The following SNTG1 variants were observed in gnomAD, a reference collection of about 807,000 sequenced individuals.
SNTG1 encodes the protein gamma-1-syntrophin.
Under a neutral mutation model 74.7 loss-of-function variants are expected in SNTG1, and 39 were observed. The ratio of observed to expected loss-of-function variants is 0.52; its 90% CI spans 0.40 to 0.68. The LOEUF (loss-of-function observed/expected upper bound fraction) is 0.68, where lower values mean the gene tolerates loss of function less well. Ranked by LOEUF, SNTG1 falls within the 30% of genes least tolerant of loss-of-function variation. The pLI, the probability that SNTG1 is intolerant of heterozygous loss-of-function variation, is 0.00. For synonymous variants in SNTG1, 254 were observed against 217.1 expected (o/e 1.17, Z -1.49); for missense variants, 685 against 609.5 (o/e 1.12, Z -1.30).
Position 50,438,716 on chromosome 8 carries a change from A to T in SNTG1, c.219+117A>T, listed in dbSNP as rs544009705. 4.8e-5 allele frequency: 36 copies of T among 752,076 alleles called. 1 individual carries two copies. The South Asian group carries it at 6.3e-4, about 13-fold the overall frequency. The allele number at this position is 752,076 out of a possible 1,614,324, so 46.6% of individuals were successfully genotyped here. On this transcript the variant is annotated intron_variant, in intron 5 of 18. Coordinates refer to ENST00000642720, the MANE Select transcript of SNTG1 (RefSeq NM_018967.5). ...AAGGATGGCTATAGCAAACTCCTTA[A>T]TATTTGGACGGGGATGTAAATTAGG... is the stretch of plus-strand genomic sequence containing the variant.
chr8:50,018,128 A>C (rs1450826399), intron 1 of SNTG1, among the ~76,000 whole-genome samples: 1 of 152,012 alleles, frequency 6.6e-6, no homozygotes, highest in Non-Finnish European at 1.5e-5. Flanking sequence ...AATCCCTGTA[A>C]AAATCCTAGC....
At chr8:50,287,920 C>T (rs1473516769) in intron 2 of SNTG1, among the ~76,000 whole-genome samples, 1 of 152,162 alleles carries the variant, frequency 6.6e-6, no homozygotes, top group Non-Finnish European at 1.5e-5. Context: ...TCCAGCTCAT[C>T]ATATTGTGTT....
At chr8:49,922,278 C>T (rs1192153696) in intron 1 of SNTG1, among the ~76,000 whole-genome samples, 1 of 152,054 alleles carries the variant, frequency 6.6e-6, no homozygotes, top group Non-Finnish European at 1.5e-5. Context: ...AATTGCCTGG[C>T]TTTTTTCTTG....
intron 2 of SNTG1, among the ~76,000 whole-genome samples, chr8:50,279,751 A>T (rs1182480852): frequency 1.3e-5 from 2 of 152,122 alleles, no homozygotes; most frequent in Non-Finnish European, 2.9e-5. Context: ...GGTCACTTTG[A>T]CTTTGGGATT....
At chr8:50,704,477 T>G in intron 15 of SNTG1, 123 bp from the exon 16 acceptor site, 1 of 1,200,080 alleles carries the variant, frequency 8.3e-7, no homozygotes, top group Non-Finnish European at 1.2e-6. Flanking sequence ...AATGAAGACT[T>G]GGTGAATTCG....
chr8:50,720,742 G>C (rs886381272), intron 17 of SNTG1, among the ~76,000 whole-genome samples: 1 of 152,144 alleles, frequency 6.6e-6, no homozygotes, highest in African/African-American at 2.4e-5. Context: ...CAAATACCAG[G>C]TGATTTGTGA....
chr8:50,716,009 A>G (rs1322037918), intron 17 of SNTG1, among the ~76,000 whole-genome samples: 1 of 152,172 alleles, frequency 6.6e-6, no homozygotes, highest in Non-Finnish European at 1.5e-5. Context: ...ATTTTTAAAA[A>G]TCTTTGATAT....
At chr8:49,929,643 T>G (rs16913981) in intron 1 of SNTG1, among the ~76,000 whole-genome samples, 4,924 of 152,302 alleles carry the variant, frequency 0.032, 238 homozygotes, top group African/African-American at 0.1. Flanking sequence ...CAGGGAGGCC[T>G]GACACTGGAT....
chr8:50,678,745 A>T (rs1307270197), intron 15 of SNTG1, among the ~76,000 whole-genome samples: 1 of 152,114 alleles, frequency 6.6e-6, no homozygotes, highest in East Asian at 1.9e-4. Flanking sequence ...TACCTTTGGG[A>T]TTATATCCCA....
intron 2 of SNTG1, among the ~76,000 whole-genome samples, chr8:50,264,146 A>G (rs1340753538): frequency 2.6e-5 from 4 of 152,196 alleles, no homozygotes; most frequent in Non-Finnish European, 5.9e-5. Flanking sequence ...TTAAATTAAA[A>G]CACTGCATAC....
intron 11 of SNTG1, among the ~76,000 whole-genome samples, chr8:50,550,709 G>A (rs2094420487): frequency 6.8e-6 from 1 of 146,672 alleles, no homozygotes; most frequent in African/African-American, 2.6e-5. Flanking sequence ...ATATATATAT[G>A]ACACATAATT....
chr8:50,258,158 T>C (rs2086975554), intron 2 of SNTG1, among the ~76,000 whole-genome samples: 1 of 152,092 alleles, frequency 6.6e-6, no homozygotes, highest in African/African-American at 2.4e-5. Context: ...ATATGCAGAG[T>C]TGCTACAATA....
chr8:50,781,848 T>G (rs1056640977), intron 18 of SNTG1, among the ~76,000 whole-genome samples: 34 of 152,292 alleles, frequency 2.2e-4, no homozygotes, highest in African/African-American at 7.9e-4. Flanking sequence ...GGTACCGTTT[T>G]TTCCTTTCCA....
intron 1 of SNTG1, among the ~76,000 whole-genome samples, chr8:49,965,659 A>G (rs318895): frequency 0.038 from 5,741 of 152,208 alleles, 363 homozygotes; most frequent in African/African-American, 0.13. Context: ...CAACCTCTCT[A>G]GCCCCATCAG....
chr8:49,930,851 A>G (rs903694077), intron 1 of SNTG1, among the ~76,000 whole-genome samples: 2 of 152,198 alleles, frequency 1.3e-5, no homozygotes, highest in Non-Finnish European at 2.9e-5. Flanking sequence ...AAAATGCTGC[A>G]TGAAATATGA....
intron 2 of SNTG1, among the ~76,000 whole-genome samples, chr8:50,330,917 A>C (rs1032403577): frequency 6.6e-6 from 1 of 152,204 alleles, no homozygotes; most frequent in Non-Finnish European, 1.5e-5. Context: ...TTGACATGTG[A>C]GGATTAACAA....
At position 50,575,791 on chromosome 8, in the gene SNTG1, G is replaced by C. The variant is rs1395523948; in HGVS notation, c.811-15088G>C. 3.9e-5 allele frequency: 6 copies of C among 152,230 alleles called. No individual in the cohort carries two copies. The East Asian group carries it at 5.8e-4, about 15-fold the overall frequency. The allele number at this position is 152,230 out of a possible 1,614,324, so 9.4% of individuals were successfully genotyped here. A position where few individuals can be genotyped will look rare whatever the true frequency, so the allele number is the denominator to read the frequency against. On this transcript the variant is annotated intron_variant, in intron 12 of 18. Coordinates refer to ENST00000642720, the MANE Select transcript of SNTG1 (RefSeq NM_018967.5). The stretch of plus-strand genomic sequence containing the variant: ...TGGTCTTTCAAATGTGAATCTCATA[G>C]ACTATTTCTGGAAATTTCTAAAAAA...
chr8:49,929,177 T>G (rs73569315), intron 1 of SNTG1, among the ~76,000 whole-genome samples: 4,919 of 152,282 alleles, frequency 0.032, 236 homozygotes, highest in African/African-American at 0.1. Flanking sequence ...TGACAACCAC[T>G]TCCCATCAAT....
At chr8:50,114,894 C>A (rs1414592928) in intron 1 of SNTG1, among the ~76,000 whole-genome samples, 1 of 151,822 alleles carries the variant, frequency 6.6e-6, no homozygotes, top group African/African-American at 2.4e-5. Flanking sequence ...TGAACAAGTT[C>A]TGGGGGATAT....
Sources: allele counts gnomAD v4.1 joint callset (sites outside exome capture counted in the v4.1 genomes callset), GRCh38; gene constraint gnomAD v4.1.1; transcripts MANE v1.5; gene names NCBI Gene and HGNC (gene_info 2026-07-23, HGNC 2026-07-21).